ATF7IP: variants seen among roughly 807,000 people sequenced by gnomAD.
The protein encoded by ATF7IP is activating transcription factor 7-interacting protein 1.
ATF7IP carries 23 observed loss-of-function variants against 106.4 expected under a neutral mutation model. The observed-to-expected ratio is 0.22, with a 90% CI of 0.16 to 0.31. The LOEUF (loss-of-function observed/expected upper bound fraction) is 0.31. ATF7IP is among the 10% of genes least tolerant of loss of function. The probability of loss-of-function intolerance (pLI) is 1.00; values close to 1 mark genes in which losing one functional copy is unlikely to be tolerated. For missense variants in ATF7IP, 1,334 were observed against 1,524.3 expected (o/e 0.88, Z 2.08); for synonymous variants, 542 against 539.0 (o/e 1.01, Z -0.08).
chr12:14,412,880 G>C (rs993935915), intron 1 of ATF7IP, among the ~76,000 whole-genome samples: 1 of 152,004 alleles, frequency 6.6e-6, no homozygotes, highest in Non-Finnish European at 1.5e-5. Flanking sequence ...CAGGCTTGGT[G>C]GTTCACACCT....
chr12:14,422,304 AAAG>A (rs1420654786), intron 1 of ATF7IP, among the ~76,000 whole-genome samples: 4 of 139,336 alleles, frequency 2.9e-5, no homozygotes, highest in African/African-American at 1.1e-4. Flanking sequence ...CTTACCAAAA[AAAG>A]AGAATACACA....
chr12:14,437,505 A>G (rs960704096), intron 4 of ATF7IP, among the ~76,000 whole-genome samples: 5 of 152,200 alleles, frequency 3.3e-5, no homozygotes, highest in Non-Finnish European at 7.3e-5. Flanking sequence ...CTGAGAGTTT[A>G]CTTCTTTAGA....
chr12:14,415,135 T>C (rs760631266), intron 1 of ATF7IP, among the ~76,000 whole-genome samples: 1 of 152,136 alleles, frequency 6.6e-6, no homozygotes, highest in Non-Finnish European at 1.5e-5. Context: ...TCACTCCTTA[T>C]CTGCATAGGG....
intron 1 of ATF7IP, among the ~76,000 whole-genome samples, chr12:14,366,829 T>C (rs745911852): frequency 4.7e-5 from 7 of 150,524 alleles, no homozygotes; most frequent in Non-Finnish European, 8.8e-5. Flanking sequence ...AAGTGGACCA[T>C]TAATAAAAAA....
intron 6 of ATF7IP, 125 bp downstream of exon 6, chr12:14,447,178 G>T (rs1943005283): frequency 8.1e-6 from 4 of 493,134 alleles, no homozygotes; most frequent in Non-Finnish European, 1.4e-5. Flanking sequence ...ACTCCTCTAT[G>T]TAATTTCTGG....
At position 14,486,116 on chromosome 12, in the gene ATF7IP, G is replaced by A. The variant is rs189200602; in HGVS notation, c.3280+4931G>A. On this transcript the variant is annotated intron_variant, in intron 13 of 14. Coordinates refer to ENST00000261168, the MANE Select transcript of ATF7IP (RefSeq NM_018179.5). The stretch of plus-strand genomic sequence containing the variant: ...TCTGCCAGCTGCTAAGTATGTCAGT[G>A]CCAATTATGCATTTTGGCACTGGGG... Among the ~76,000 whole-genome samples the A allele has an allele frequency of 7.2e-5, 11 of 152,254 alleles. No individual in the cohort carries two copies. The East Asian group carries it at 1.9e-3, about 27-fold the overall frequency.
In ATF7IP at chr12:14,460,457, T is replaced by C. The variant is rs775811142; in HGVS notation, c.2159-38T>C. 22 of 1,545,024 alleles carry C rather than the reference T, an allele frequency of 1.4e-5. No homozygotes were observed. In the Admixed American group the frequency reaches 3.2e-4, roughly 22 times the overall value. ...TATTTTCTTAGTTGATAAATTAATA[T>C]AACCATTTAAACTGAGGCTTCTGTT... On this transcript the variant is annotated intron_variant, in intron 8 of 14. Transcript: ENST00000261168.
At chr12:14,432,300 C>G (rs1942179662) in intron 2 of ATF7IP, among the ~76,000 whole-genome samples, 1 of 152,134 alleles carries the variant, frequency 6.6e-6, no homozygotes, top group Non-Finnish European at 1.5e-5. Flanking sequence ...TCTGGAAACT[C>G]TGGGGACTAG....
At chr12:14,436,055 A>G (rs1213717258) in intron 3 of ATF7IP, 51 bp from the exon 4 acceptor site, 1 of 1,578,270 alleles carries the variant, frequency 6.3e-7, no homozygotes, top group Non-Finnish European at 8.6e-7. Flanking sequence ...ATATGCATTA[A>G]GAGCTATAAG....
Position 14,420,585 on chromosome 12 carries a change from C to T in ATF7IP, c.-7-3324C>T, listed in dbSNP as rs540349538. On this transcript the variant is annotated intron_variant, in intron 1 of 14. Transcript: ENST00000261168. ...TGGAGCTTGCGGTGAGCCGAGATCA[C>T]GCCACTGCACTCCAGCCTGGGCGAC... is the stretch of plus-strand genomic sequence containing the variant. 891 of 152,440 alleles carry T rather than the reference C, an allele frequency of 5.8e-3. 8 individuals carry two copies. The highest frequency in any genetic ancestry group is 0.024 in the Middle Eastern group (7 of 296). 9.4% of individuals were successfully genotyped at this position (152,440 alleles called of 1,614,324 possible). A position where few individuals can be genotyped will look rare whatever the true frequency, so the allele number is the denominator to read the frequency against.
intron 6 of ATF7IP, among the ~76,000 whole-genome samples, chr12:14,450,930 C>A (rs1943178769): frequency 6.6e-6 from 1 of 151,978 alleles, no homozygotes; most frequent in African/African-American, 2.4e-5. Context: ...CCTGCACCAC[C>A]ACGTCTGGCT....
chr12:14,392,007 C>T (rs1939582724), intron 1 of ATF7IP, among the ~76,000 whole-genome samples: 1 of 152,194 alleles, frequency 6.6e-6, no homozygotes, highest in Non-Finnish European at 1.5e-5. Context: ...AGGTGTGAGC[C>T]ACCATGCCTG....
rs537072691 is a variant in ATF7IP at position 14,381,590 on chromosome 12, G to GT, written c.-8+15770dup. 4.5e-3 allele frequency among the ~76,000 whole-genome samples: 678 copies of GT among 151,926 alleles called. 4 individuals are homozygous for GT. Among genetic ancestry groups the GT allele is most frequent in the African/African-American group, 0.016 (650 of 41,406 alleles). On this transcript the variant is annotated intron_variant, in intron 1 of 14. Transcript: ENST00000261168. Reference sequence around the variant, plus strand: ...TAGCTGTTACCTCTTATTTCTCTCTGTTTTTTTAGGATTTATGTAGTTTTA... The same window carrying GT: ...TAGCTGTTACCTCTTATTTCTCTCTGTTTTTTTTAGGATTTATGTAGTTTTA...
At chr12:14,420,243 A>G (rs1941426878) in intron 1 of ATF7IP, 2 of 152,228 alleles carry the variant, frequency 1.3e-5, no homozygotes, top group Non-Finnish European at 1.5e-5. Context: ...GGATTGGGTG[A>G]CATCAGAAAG....
chr12:14,478,608 G>A, intron 12 of ATF7IP, 136 bp downstream of exon 12: 1 of 960,322 alleles, frequency 1.0e-6, no homozygotes, highest in Non-Finnish European at 1.5e-6. Flanking sequence ...ATGTCCTTTT[G>A]AAGGCAGTAT....
intron 13 of ATF7IP, among the ~76,000 whole-genome samples, chr12:14,493,778 T>G (rs368751061): frequency 2.0e-5 from 3 of 152,156 alleles, no homozygotes; most frequent in African/African-American, 7.2e-5. Context: ...TGATAAGAGC[T>G]TGTGTCTGTT....
chr12:14,397,202 C>CA (rs947748730), intron 1 of ATF7IP, among the ~76,000 whole-genome samples: 4 of 151,686 alleles, frequency 2.6e-5, no homozygotes, highest in South Asian at 2.1e-4. Flanking sequence ...AACAAAACAC[C>CA]AAAAAAACAA....
chr12:14,470,676 G>A lies in ATF7IP; in HGVS notation c.2862+4086G>A, dbSNP rs573026488. 2.1e-4 allele frequency among the ~76,000 whole-genome samples: 32 copies of A among 152,322 alleles called. No homozygotes were observed. The Middle Eastern group carries it at 0.01, about 49-fold the overall frequency. On this transcript the variant is annotated intron_variant, in intron 10 of 14. Transcript: ENST00000261168. ...AGTACTTACCACATAGAAATATTGGGAAGAGTAAATGTGTTAATGCATGTA... is the reference window on the plus strand; with the variant it reads ...AGTACTTACCACATAGAAATATTGGAAAGAGTAAATGTGTTAATGCATGTA...
At chr12:14,368,125 T>G (rs73304236) in intron 1 of ATF7IP, among the ~76,000 whole-genome samples, 342 of 152,218 alleles carry the variant, frequency 2.2e-3, no homozygotes, top group African/African-American at 7.5e-3. Context: ...ATTTTTAAAC[T>G]TATTCATTAT....
Sources: allele counts gnomAD v4.1 joint callset (sites outside exome capture counted in the v4.1 genomes callset), GRCh38; gene constraint gnomAD v4.1.1; transcripts MANE v1.5; gene names NCBI Gene and HGNC (gene_info 2026-07-23, HGNC 2026-07-21).